The following LIN28B variants were observed in gnomAD, a reference collection of about 807,000 sequenced individuals.
The protein encoded by LIN28B is lin-28 RNA binding posttranscriptional regulator B.
Under a neutral mutation model 21.9 loss-of-function variants are expected in LIN28B, and 5 were observed. That is an observed-to-expected ratio of 0.23 (90% CI 0.12 to 0.48). LIN28B has a LOEUF of 0.48. LIN28B is among the 20% of genes least tolerant of loss of function. The probability of loss-of-function intolerance (pLI) is 0.98; values close to 1 mark genes in which losing one functional copy is unlikely to be tolerated. For missense variants in LIN28B, 245 were observed against 310.5 expected, an observed-to-expected ratio of 0.79 and a Z score of 1.58; for synonymous variants, 109 against 111.3, an observed-to-expected ratio of 0.98 and a Z score of 0.13.
intron 2 of LIN28B, among the ~76,000 whole-genome samples, chr6:104,993,368 C>G (rs765381207): frequency 1.3e-5 from 2 of 152,102 alleles, no homozygotes; most frequent in Non-Finnish European, 2.9e-5. Context: ...ACTTGGGAGG[C>G]TGAGGCAGGA....
At chr6:104,954,658 T>C (rs566284156), upstream of LIN28B, among the ~76,000 whole-genome samples, 1 of 152,210 alleles carries the variant, frequency 6.6e-6, no homozygotes, top group Non-Finnish European at 1.5e-5. Flanking sequence ...GAAAGGCTGA[T>C]GTCCCTCTCA....
chr6:104,980,719 T>C (rs1359664908), intron 2 of LIN28B, among the ~76,000 whole-genome samples: 1 of 152,188 alleles, frequency 6.6e-6, no homozygotes, highest in African/African-American at 2.4e-5. Flanking sequence ...CACATATTTA[T>C]TGGTGGTCAC....
intron 2 of LIN28B, among the ~76,000 whole-genome samples, chr6:104,980,214 T>C (rs1183711511): frequency 3.9e-5 from 6 of 152,240 alleles, no homozygotes; most frequent in African/African-American, 1.4e-4. Context: ...AATTATGTTA[T>C]TAAAATTTAT....
At chr6:105,010,005 T>G (rs1770890021) in intron 2 of LIN28B, among the ~76,000 whole-genome samples, 1 of 152,108 alleles carries the variant, frequency 6.6e-6, no homozygotes, top group South Asian at 2.1e-4. Context: ...ACATGAACAA[T>G]ATAAAATGTC....
chr6:104,956,177 C>T (rs1308371335), upstream of LIN28B, among the ~76,000 whole-genome samples: 1 of 151,512 alleles, frequency 6.6e-6, no homozygotes, highest in Non-Finnish European at 1.5e-5. Flanking sequence ...CCACCTCTTT[C>T]TTTGACTCTG....
intron 3 of LIN28B, among the ~76,000 whole-genome samples, chr6:105,074,254 G>A (rs1321480642): frequency 2.6e-5 from 4 of 152,124 alleles, no homozygotes; most frequent in Non-Finnish European, 4.4e-5. Context: ...CTGGAGTGCA[G>A]TGGTGCAATC....
rs191335819 is a variant in LIN28B, at chr6:105,034,252, A to G, written c.383+7770A>G. On this transcript the variant is annotated intron_variant, in intron 3 of 3. Coordinates refer to ENST00000345080, the MANE Select transcript of LIN28B (RefSeq NM_001004317.4). ...CTTCCACATATTTTGACCCAACCACATATTCCAAGAAGTGTCATTCATAAT... is the reference window on the plus strand; with the variant it reads ...CTTCCACATATTTTGACCCAACCACGTATTCCAAGAAGTGTCATTCATAAT... Among the ~76,000 whole-genome samples, 5 of 151,988 alleles carry G rather than the reference A, an allele frequency of 3.3e-5. No homozygotes were observed. The East Asian group carries it at 9.6e-4, about 29-fold the overall frequency.
chr6:104,982,296 A>G (rs1770241458), intron 2 of LIN28B, among the ~76,000 whole-genome samples: 1 of 151,190 alleles, frequency 6.6e-6, no homozygotes, highest in Non-Finnish European at 1.5e-5. Flanking sequence ...CTTGGGCGAT[A>G]CAGCAAGACT....
intron 2 of LIN28B, among the ~76,000 whole-genome samples, chr6:104,961,959 C>T (rs528657049): frequency 4.6e-5 from 7 of 152,078 alleles, no homozygotes; most frequent in Non-Finnish European, 5.9e-5. Flanking sequence ...AGAAGGGCAA[C>T]GTTAACCTAA....
In LIN28B at chr6:104,996,589, A is replaced by G. The variant is rs557408378; in HGVS notation, c.199-29709A>G. ...TTAGGAAGTGCTCTAGTAAGTCTGTATTGGGAATACACTAAGGACAGTAAT... is the reference window on the plus strand; with the variant it reads ...TTAGGAAGTGCTCTAGTAAGTCTGTGTTGGGAATACACTAAGGACAGTAAT... On this transcript the variant is annotated intron_variant, in intron 2 of 3. Coordinates refer to ENST00000345080, the MANE Select transcript of LIN28B (RefSeq NM_001004317.4). 4.6e-5 allele frequency among the ~76,000 whole-genome samples: 7 copies of G among 152,312 alleles called. No individual in the cohort carries two copies. In the South Asian group the frequency reaches 8.3e-4, roughly 18 times the overall value.
chr6:105,034,093 A>T (rs1380998701), intron 3 of LIN28B, among the ~76,000 whole-genome samples: 1 of 151,942 alleles, frequency 6.6e-6, no homozygotes, highest in Non-Finnish European at 1.5e-5. Context: ...CACAAAGTGC[A>T]TGGATATGTA....
rs1318589882 is a variant in LIN28B, at chr6:105,026,299, G to A, written c.200G>A (p.Ser67Asn). ...CCCACCCTCTTCTGCTCTTTACAGAGCAAACTATTCATGGAAGGATTTAGA... is the reference window on the plus strand; with the variant it reads ...CCCACCCTCTTCTGCTCTTTACAGAACAAACTATTCATGGAAGGATTTAGA... ...DIPVDVFVHQ[S>N]KLFMEGFRSL... is the part of the protein sequence containing the mutation. Residue 67 changes from serine to asparagine, a missense_variant and splice_region_variant, in exon 3 of 4, where the codon AGC (serine) becomes AAC (asparagine). Ser to Asn is a conservative substitution (Grantham distance 46). Transcript: ENST00000345080. 4 of 1,586,728 alleles carry A rather than the reference G, an allele frequency of 2.5e-6. No homozygotes were observed. The highest frequency in any genetic ancestry group is 1.2e-5 in the South Asian group (1 of 85,990).
intron 2 of LIN28B, among the ~76,000 whole-genome samples, chr6:104,961,097 A>G (rs2114571888): frequency 6.6e-6 from 1 of 152,270 alleles, no homozygotes; most frequent in Admixed American, 6.5e-5. Flanking sequence ...TTAATTTGTA[A>G]TTTAAATAAT....
intron 2 of LIN28B, among the ~76,000 whole-genome samples, chr6:104,988,363 C>T (rs950519336): frequency 1.1e-4 from 17 of 151,286 alleles, no homozygotes; most frequent in African/African-American, 3.4e-4. Context: ...AGATATAAAG[C>T]CTGATTTATA....
intron 3 of LIN28B, among the ~76,000 whole-genome samples, chr6:105,068,190 A>C (rs752457695): frequency 6.6e-6 from 1 of 152,206 alleles, no homozygotes; most frequent in Non-Finnish European, 1.5e-5. Flanking sequence ...AGGAGAAGAT[A>C]TTAAATGAGA....
At chr6:105,036,310 C>T (rs1771520651) in intron 3 of LIN28B, among the ~76,000 whole-genome samples, 1 of 152,166 alleles carries the variant, frequency 6.6e-6, no homozygotes, top group Non-Finnish European at 1.5e-5. Flanking sequence ...CTATTGCATC[C>T]AAATTTTCAG....
At chr6:105,039,025 G>A (rs1243680864) in intron 3 of LIN28B, among the ~76,000 whole-genome samples, 1 of 152,142 alleles carries the variant, frequency 6.6e-6, no homozygotes, top group Non-Finnish European at 1.5e-5. Context: ...TCCACTTCTG[G>A]GTAGATTTTT....
At chr6:105,034,955 G>A (rs1771495622) in intron 3 of LIN28B, among the ~76,000 whole-genome samples, 1 of 151,816 alleles carries the variant, frequency 6.6e-6, no homozygotes, top group African/African-American at 2.4e-5. Flanking sequence ...CAGTTTTAGA[G>A]CAAGTAAGCT....
intron 3 of LIN28B, among the ~76,000 whole-genome samples, chr6:105,055,260 C>G (rs375875701): frequency 6.6e-6 from 1 of 152,110 alleles, no homozygotes; most frequent in East Asian, 1.9e-4. Flanking sequence ...GCTTCGTTCT[C>G]TCTTCTTCAT....
Sources: gnomAD v4.1 joint callset for allele counts (sites outside exome capture counted in the v4.1 genomes callset) on GRCh38, gnomAD v4.1.1 for gene constraint, MANE v1.5 for transcripts, NCBI Gene and HGNC (gene_info 2026-07-23, HGNC 2026-07-21) for gene names.